Variants in CADM1 observed in about 807,000 individuals in gnomAD.
The protein encoded by CADM1 is cell adhesion molecule 1, also known as TSLC-1.
In CADM1, 15 loss-of-function variants were observed where a neutral mutation model predicts 53.1. That is an observed-to-expected ratio of 0.28 (90% CI 0.19 to 0.44). The LOEUF (loss-of-function observed/expected upper bound fraction) is 0.44. Ranked by LOEUF, CADM1 falls within the 20% of genes least tolerant of loss-of-function variation. The pLI is 1.00. For synonymous variants in CADM1, 281 were observed against 243.0 expected, an observed-to-expected ratio of 1.16 and a Z score of -1.45; for missense variants, 434 against 611.3, an observed-to-expected ratio of 0.71 and a Z score of 3.06.
chr11:115,239,877 A>G (rs1942158833), intron 2 of CADM1, among the ~76,000 whole-genome samples: 1 of 152,182 alleles, frequency 6.6e-6, no homozygotes, highest in Non-Finnish European at 1.5e-5. Context: ...GGCTATGATG[A>G]GAGAAGACTT....
At chr11:115,235,346 G>T (rs1176245924) in intron 3 of CADM1, among the ~76,000 whole-genome samples, 1 of 152,032 alleles carries the variant, frequency 6.6e-6, no homozygotes, top group Non-Finnish European at 1.5e-5. Flanking sequence ...GGTTAGTAAA[G>T]TATAAAAATC....
Position 115,214,612 on chromosome 11 carries a change from T to A in CADM1, c.990A>T (p.Val330=). The A allele has an allele frequency of 6.2e-7, 1 of 1,613,736 alleles. No homozygotes were observed. ...GCATTTTATCTTCTCACGTACCGTA[T>A]ACATACAGCATATAATCCGAGTGAG... ...GKAHSDYMLY[V]YDPPTTIPPP... is the part of the protein sequence containing the mutation. The change falls in exon 7 of 12, where the codon GTA becomes GTT. Residue 330 remains valine, a synonymous_variant. Coordinates refer to ENST00000331581, the MANE Select transcript of CADM1 (RefSeq NM_001301043.2).
At chr11:115,425,929 C>T (rs1183535017) in intron 1 of CADM1, among the ~76,000 whole-genome samples, 1 of 152,178 alleles carries the variant, frequency 6.6e-6, no homozygotes, top group African/African-American at 2.4e-5. Flanking sequence ...CAAACAGAAA[C>T]CCTTTAACTA....
chr11:115,400,327 C>T (rs1344018006), intron 1 of CADM1, among the ~76,000 whole-genome samples: 1 of 148,882 alleles, frequency 6.7e-6, no homozygotes, highest in Non-Finnish European at 1.5e-5. Context: ...GGTTTTGCTG[C>T]GTGAAGAAAC....
chr11:115,247,113 G>T (rs1942433278), intron 1 of CADM1, among the ~76,000 whole-genome samples: 1 of 152,202 alleles, frequency 6.6e-6, no homozygotes, highest in South Asian at 2.1e-4. Flanking sequence ...CTATAGGTAT[G>T]TTTGATTAGC....
At chr11:115,486,070 C>G (rs549167803) in intron 1 of CADM1, among the ~76,000 whole-genome samples, 1 of 152,260 alleles carries the variant, frequency 6.6e-6, no homozygotes, top group East Asian at 1.9e-4. Flanking sequence ...TTCCCTCAAT[C>G]CCCATTCTCT....
chr11:115,332,685 C>T (rs543537910), intron 1 of CADM1, among the ~76,000 whole-genome samples: 3 of 151,986 alleles, frequency 2.0e-5, no homozygotes, highest in South Asian at 4.1e-4. Context: ...TAGGGGAGTA[C>T]CCTTAACCCA....
rs1412156952 is a variant in CADM1 at position 115,379,440 on chromosome 11, GT to G, written c.124+124830del. Among the ~76,000 whole-genome samples, 5 of 152,330 alleles carry G rather than the reference GT, an allele frequency of 3.3e-5. No homozygotes were observed. The South Asian group carries it at 8.3e-4, about 25-fold the overall frequency. Reference sequence around the variant, plus strand: ...TTCAGTCCAGCATGGGGACAATGGAGTTACATTTTAGAAGACCAAATGTAGT... The same window carrying G: ...TTCAGTCCAGCATGGGGACAATGGAGTACATTTTAGAAGACCAAATGTAGT... On this transcript the variant is annotated intron_variant, in intron 1 of 11. Transcript: ENST00000331581.
intron 1 of CADM1, among the ~76,000 whole-genome samples, chr11:115,330,408 G>A (rs139470073): frequency 2.0e-3 from 298 of 152,208 alleles, no homozygotes; most frequent in African/African-American, 6.6e-3. Context: ...TTGCTTTGGA[G>A]CTGCAGAATT....
chr11:115,231,153 ACAG>A (rs1203114239), intron 4 of CADM1, among the ~76,000 whole-genome samples, 197 bp downstream of exon 4: 1 of 152,230 alleles, frequency 6.6e-6, no homozygotes, highest in Admixed American at 6.5e-5. Flanking sequence ...GAACCCTCAA[ACAG>A]CAGAATGAGG....
intron 1 of CADM1, among the ~76,000 whole-genome samples, chr11:115,484,975 A>C (rs1214664926): frequency 6.6e-6 from 1 of 151,988 alleles, no homozygotes; most frequent in Non-Finnish European, 1.5e-5. Flanking sequence ...AAGAAAAAAC[A>C]ACCTGGAATC....
At chr11:115,246,288 A>C (rs1350857113) in intron 1 of CADM1, among the ~76,000 whole-genome samples, 1 of 152,248 alleles carries the variant, frequency 6.6e-6, no homozygotes, top group Non-Finnish European at 1.5e-5. Context: ...TTGTTACACC[A>C]AACAGTTAAG....
intron 1 of CADM1, among the ~76,000 whole-genome samples, chr11:115,493,458 T>C (rs1949544206): frequency 6.6e-6 from 1 of 152,100 alleles, no homozygotes; most frequent in Non-Finnish European, 1.5e-5. Context: ...AAAGGGCCAT[T>C]AGAGAACAAG....
At chr11:115,211,718 T>C (rs1171040287) in intron 7 of CADM1, among the ~76,000 whole-genome samples, 1 of 151,672 alleles carries the variant, frequency 6.6e-6, no homozygotes, top group Non-Finnish European at 1.5e-5. Context: ...CTCAAACTCC[T>C]GACCTTGTGA....
intron 1 of CADM1, among the ~76,000 whole-genome samples, chr11:115,365,892 G>C (rs1565389115): frequency 6.6e-6 from 1 of 152,154 alleles, no homozygotes; most frequent in African/African-American, 2.4e-5. Flanking sequence ...ATTAACATGG[G>C]AAGATTTTAC....
intron 1 of CADM1, among the ~76,000 whole-genome samples, chr11:115,269,340 C>T (rs1467343235): frequency 6.6e-6 from 1 of 152,124 alleles, no homozygotes. Flanking sequence ...CAGAGCAATT[C>T]CACACCAGCA....
In CADM1 at chr11:115,394,927, C is replaced by T. The variant is rs921721326; in HGVS notation, c.124+109344G>A. ...TCATTCCAAAAGAAAGGGAAAAATT[C>T]GTGGGTCAGAGATTGATTACTTTTA... On this transcript the variant is annotated intron_variant, in intron 1 of 11. Transcript: ENST00000331581. Among the ~76,000 whole-genome samples the T allele has an allele frequency of 5.3e-5, 8 of 152,092 alleles. No homozygotes were observed. In the East Asian group the frequency reaches 9.6e-4, roughly 18 times the overall value.
intron 1 of CADM1, among the ~76,000 whole-genome samples, chr11:115,460,233 C>T (rs1948766068): frequency 1.3e-5 from 2 of 152,118 alleles, no homozygotes; most frequent in African/African-American, 4.8e-5. Flanking sequence ...CACCGCACAC[C>T]CACCCTTTTA....
intron 1 of CADM1, among the ~76,000 whole-genome samples, chr11:115,474,055 G>A (rs1184510969): frequency 2.0e-5 from 3 of 151,886 alleles, no homozygotes; most frequent in Admixed American, 1.3e-4. Context: ...AGCACTTTGC[G>A]AGGCCGAGGT....
Sources: allele counts gnomAD v4.1 joint callset (sites outside exome capture counted in the v4.1 genomes callset), GRCh38; gene constraint gnomAD v4.1.1; transcripts MANE v1.5; gene names NCBI Gene and HGNC (gene_info 2026-07-23, HGNC 2026-07-21).